The following POLA2 variants were observed in gnomAD, a reference collection of about 807,000 sequenced individuals.
POLA2 encodes DNA polymerase alpha subunit B.
POLA2 carries 47 observed loss-of-function variants against 82.8 expected under a neutral mutation model. The ratio of observed to expected loss-of-function variants is 0.57; its 90% CI spans 0.45 to 0.72. POLA2 has a LOEUF of 0.72. POLA2 is among the 30% of genes least tolerant of loss of function. The pLI, the probability that POLA2 is intolerant of heterozygous loss-of-function variation, is 0.00. For synonymous variants in POLA2, 287 were observed against 286.8 expected, an observed-to-expected ratio of 1.00 and a Z score of -0.01; for missense variants, 634 against 728.1, an observed-to-expected ratio of 0.87 and a Z score of 1.49.
chr11:65,281,564 A>G (rs1949641453), intron 8 of POLA2, 106 bp from the exon 9 acceptor site: 1 of 804,178 alleles, frequency 1.2e-6, no homozygotes, highest in African/African-American at 1.7e-5. Context: ...GTTTATGATT[A>G]CAGAATGAGA....
chr11:65,304,446 C>A (rs1415328269), intron 8 of POLA2, among the ~76,000 whole-genome samples: 1 of 150,308 alleles, frequency 6.7e-6, no homozygotes, highest in Non-Finnish European at 1.5e-5. Flanking sequence ...CATCCACCCA[C>A]CCACCCATCC....
downstream of POLA2, among the ~76,000 whole-genome samples, chr11:65,300,184 G>A (rs1408940435): frequency 6.6e-6 from 1 of 152,006 alleles, no homozygotes; most frequent in Non-Finnish European, 1.5e-5. Context: ...TGTATAAATG[G>A]AATCATACAA....
intron 16 of POLA2, 69 bp from the exon 17 acceptor site, chr11:65,295,795 A>G (rs756177569): frequency 4.1e-4 from 646 of 1,561,298 alleles, no homozygotes; most frequent in Non-Finnish European, 4.5e-4. Flanking sequence ...GCCAGTACCT[A>G]GGGGGACTCT....
intron 1 of POLA2, among the ~76,000 whole-genome samples, chr11:65,262,959 T>C (rs1949414836): frequency 6.6e-6 from 1 of 152,114 alleles, no homozygotes; most frequent in South Asian, 2.1e-4. Flanking sequence ...TGAAGCCAGG[T>C]GTCCTGCCTT....
intron 10 of POLA2, among the ~76,000 whole-genome samples, chr11:65,284,532 CTT>C (rs557117870): frequency 6.7e-5 from 9 of 134,212 alleles, no homozygotes; most frequent in Non-Finnish European, 6.5e-5. Flanking sequence ...TTTTTTTTTT[CTT>C]TTTTTTTTTT....
chr11:65,263,520 G>A (rs999238935), intron 1 of POLA2, among the ~76,000 whole-genome samples: 1 of 152,004 alleles, frequency 6.6e-6, no homozygotes, highest in Non-Finnish European at 1.5e-5. Flanking sequence ...CAGCAGGCTC[G>A]GTCCTTCTCT....
At chr11:65,263,322 C>T (rs555286189) in intron 1 of POLA2, among the ~76,000 whole-genome samples, 24 of 149,398 alleles carry the variant, frequency 1.6e-4, no homozygotes, top group Non-Finnish European at 3.1e-4. Flanking sequence ...CAGGTTCAAG[C>T]GATTCTCCTG....
chr11:65,295,820 C>A, intron 16 of POLA2, 44 bp from the exon 17 acceptor site: 1 of 1,585,710 alleles, frequency 6.3e-7, no homozygotes, highest in South Asian at 1.1e-5. Flanking sequence ...GAGAAGGGGG[C>A]CCCCCGGTCA....
chr11:65,276,093 A>G, intron 5 of POLA2, 95 bp downstream of exon 5: 1 of 615,120 alleles, frequency 1.6e-6, no homozygotes. Context: ...TTATTAATTA[A>G]CTATAGGTGG....
chr11:65,263,220 C>CT (rs547474910), intron 1 of POLA2, among the ~76,000 whole-genome samples: 2,334 of 123,154 alleles, frequency 0.019, 82 homozygotes, highest in South Asian at 0.07. Context: ...CTCTCTCTCT[C>CT]TTTTTTTTTT....
chr11:65,301,794 A>G (rs748138815), downstream of POLA2, among the ~76,000 whole-genome samples: 37 of 152,170 alleles, frequency 2.4e-4, no homozygotes, highest in Non-Finnish European at 3.8e-4. Context: ...TGTTCATGGC[A>G]AGACTCCCAG....
rs1222371430 is a variant in POLA2, at chr11:65,287,967, A to G, written c.1131+127A>G. The G allele has an allele frequency of 8.1e-6, 8 of 991,190 alleles. No homozygotes were observed. The East Asian group carries it at 1.6e-4, about 20-fold the overall frequency. 61.4% of individuals were successfully genotyped at this position (991,190 alleles called of 1,614,324 possible). A position where few individuals can be genotyped will look rare whatever the true frequency, so the allele number is the denominator to read the frequency against. On this transcript the variant is annotated intron_variant, in intron 11 of 17. Coordinates refer to ENST00000265465, the MANE Select transcript of POLA2 (RefSeq NM_002689.4). ...AAATATCTTTTCATTCTTAATCTAC[A>G]TCTTTGGAGAGGTATATATATCTAT...
chr11:65,262,724 T>C lies in POLA2; in HGVS notation c.79+353T>C, dbSNP rs1949412626. On this transcript the variant is annotated intron_variant, in intron 1 of 17. Coordinates refer to ENST00000265465, the MANE Select transcript of POLA2 (RefSeq NM_002689.4). ...AGCCCCGGTAACAAAGCAACAGATG[T>C]GGGGGTTTTGAAATGTAGCTTTTTA... Among the ~76,000 whole-genome samples, 4 of 152,096 alleles carry C rather than the reference T, an allele frequency of 2.6e-5. No individual in the cohort carries two copies. The South Asian group carries it at 8.3e-4, about 31-fold the overall frequency.
At chr11:65,297,026 T>G in intron 17 of POLA2, 94 bp from the exon 18 acceptor site, 1 of 1,336,278 alleles carries the variant, frequency 7.5e-7, no homozygotes, top group Non-Finnish European at 1.1e-6. Flanking sequence ...TAAAACCCTC[T>G]TTGGGGTCCA....
intron 7 of POLA2, 70 bp downstream of exon 7, chr11:65,279,696 T>C: frequency 9.3e-7 from 1 of 1,078,392 alleles, no homozygotes; most frequent in Non-Finnish European, 1.4e-6. Context: ...GAGGCATCCT[T>C]CTTGCTTCCT....
chr11:65,275,948 G>T lies in POLA2; in HGVS notation c.411G>T (p.Val137=). 1 of 1,609,330 alleles carries T rather than the reference G, an allele frequency of 6.2e-7. No individual in the cohort carries two copies. Among genetic ancestry groups the T allele is most frequent in the Non-Finnish European group, 8.5e-7 (1 of 1,177,996 alleles). ...AAACCCCCCTAACAAAAAGGAGTGTGTCAACTCGTAGCCCCCATCAGCTAC... is the reference window on the plus strand; with the variant it reads ...AAACCCCCCTAACAAAAAGGAGTGTTTCAACTCGTAGCCCCCATCAGCTAC... ...TPETPLTKRS[V]STRSPHQLLS... is the part of the protein sequence containing the mutation. Residue 137 remains valine (V), a synonymous_variant, in exon 5 of 18, where the codon GTG becomes GTT. Transcript: ENST00000265465.
chr11:65,281,216 T>C (rs1200089453), intron 8 of POLA2, 69 bp downstream of exon 8: 18 of 1,478,280 alleles, frequency 1.2e-5, no homozygotes, highest in Non-Finnish European at 1.6e-5. Context: ...TGCTGTGCCA[T>C]GCGCAGCTGC....
chr11:65,273,966 G>C (rs1458212152), intron 4 of POLA2, among the ~76,000 whole-genome samples: 1 of 152,052 alleles, frequency 6.6e-6, no homozygotes, highest in South Asian at 2.1e-4. Context: ...TTTCACCTGA[G>C]ACTCAGCATT....
chr11:65,268,301 G>C lies in POLA2; in HGVS notation c.297-371G>C, dbSNP rs112137473. Among the ~76,000 whole-genome samples, 21 of 151,408 alleles carry C rather than the reference G, an allele frequency of 1.4e-4. 2 individuals are homozygous for C. Among genetic ancestry groups the C allele is most frequent in the African/African-American group, 5.1e-4 (21 of 41,268 alleles). ...AATAGTAAAAATTGCCTAATATTGA[G>C]ATTTCTTCTAGCAATCAGCCCTTGC... On this transcript the variant is annotated intron_variant, in intron 3 of 17. Coordinates refer to ENST00000265465, the MANE Select transcript of POLA2 (RefSeq NM_002689.4).
Sources: allele counts gnomAD v4.1 joint callset (sites outside exome capture counted in the v4.1 genomes callset), GRCh38; gene constraint gnomAD v4.1.1; transcripts MANE v1.5; gene names NCBI Gene and HGNC (gene_info 2026-07-23, HGNC 2026-07-21).